The following TRIM28 variants were observed in gnomAD, a reference collection of about 807,000 sequenced individuals.
TRIM28 encodes the protein transcription intermediary factor 1-beta.
In TRIM28, 8 loss-of-function variants were observed where a neutral mutation model predicts 87.4. The ratio of observed to expected loss-of-function variants is 0.09; its 90% CI spans 0.05 to 0.17. The LOEUF (loss-of-function observed/expected upper bound fraction) is 0.17, where lower values mean the gene tolerates loss of function less well. Ranked by LOEUF, TRIM28 falls within the 10% of genes least tolerant of loss-of-function variation. The pLI, the probability that TRIM28 is intolerant of heterozygous loss-of-function variation, is 1.00. For synonymous variants in TRIM28, 601 were observed against 454.3 expected (o/e 1.32, Z -4.11); for missense variants, 968 against 1,131.8 (o/e 0.86, Z 2.08).
chr19:58,549,012 G>T lies in TRIM28; in HGVS notation c.1434G>T (p.Val478=). The T allele has an allele frequency of 6.2e-7, 1 of 1,614,098 alleles. No individual in the cohort carries two copies. The change falls in exon 12 of 17, where the codon GTG becomes GTT. Residue 478 remains valine (V), a synonymous_variant. Transcript: ENST00000253024. The surrounding 1 kb of genome is among the most constrained non-coding windows in gnomAD (Gnocchi z 4.4). ...VKRSRSGEGE[V]SGLMRKVPRV... ...GGTCCCGCTCAGGTGAGGGCGAGGT[G>T]AGCGGCCTTATGCGCAAGGTGCCAC...
Position 58,548,389 on chromosome 19 carries a change from C to G in TRIM28, c.1197C>G (p.Thr399=). Residue 399 remains threonine (T), a synonymous_variant, in exon 8 of 17, where the codon ACC becomes ACG. Transcript: ENST00000253024. ...MKFQWDLNAW[T]KSAEAFGKIV... ...TTCAGTGGGACCTCAATGCCTGGACCAAGAGTGCCGAGGCCTTTGGTGGGT... is the reference window on the plus strand; with the variant it reads ...TTCAGTGGGACCTCAATGCCTGGACGAAGAGTGCCGAGGCCTTTGGTGGGT... 1.2e-6 allele frequency: 2 copies of G among 1,614,144 alleles called. No individual in the cohort carries two copies. Among genetic ancestry groups the G allele is most frequent in the Non-Finnish European group, 1.7e-6 (2 of 1,180,020 alleles).
In TRIM28 at chr19:58,549,933, C is replaced by T. The variant is rs759386732; in HGVS notation, c.2107-16C>T. The T allele has an allele frequency of 1.9e-6, 3 of 1,614,066 alleles. No individual in the cohort carries two copies. Among genetic ancestry groups the T allele is most frequent in the Non-Finnish European group, 2.5e-6 (3 of 1,179,982 alleles). Reference sequence around the variant, plus strand: ...GGTGCTGCCCAGAGCTGTGACATCCCTTACAATGTTTGTAGAAATGTGAGC... The same window carrying T: ...GGTGCTGCCCAGAGCTGTGACATCCTTTACAATGTTTGTAGAAATGTGAGC... On this transcript the variant is annotated splice_polypyrimidine_tract_variant and intron_variant, in intron 14 of 16. Transcript: ENST00000253024. The surrounding 1 kb of genome is among the most constrained non-coding windows in gnomAD (Gnocchi z 4.4).
At chr19:58,546,727 G>A (rs1315701020) in intron 3 of TRIM28, among the ~76,000 whole-genome samples, 1 of 151,650 alleles carries the variant, frequency 6.6e-6, no homozygotes, top group African/African-American at 2.4e-5. Flanking sequence ...GGACCAGTGT[G>A]TTTGATCAGT....
chr19:58,548,714 G>C, intron 9 of TRIM28, 26 bp from the exon 10 acceptor site: 6 of 1,613,006 alleles, frequency 3.7e-6, no homozygotes, highest in Non-Finnish European at 5.1e-6. Context: ...GTCCCACTGA[G>C]GCAGAGGGTT....
At chr19:58,548,265 A>T (rs763052356) in intron 7 of TRIM28, 29 bp from the exon 8 acceptor site, 3 of 1,613,912 alleles carry the variant, frequency 1.9e-6, no homozygotes, top group Non-Finnish European at 1.7e-6. Context: ...TGGTGTGCTC[A>T]TTCTTTCCTC....
chr19:58,545,679 T>G, intron 2 of TRIM28, 85 bp from the exon 3 acceptor site: 1 of 1,562,840 alleles, frequency 6.4e-7, no homozygotes, highest in Non-Finnish European at 8.7e-7. Flanking sequence ...GGGACCAATC[T>G]TAAATCTCCG....
In TRIM28 at chr19:58,549,821, CACT is replaced by C. The variant is rs2053798363; in HGVS notation, c.2068_2070del (p.Thr690del). On this transcript the variant is annotated inframe_deletion, in exon 14 of 17. Transcript: ENST00000253024. This position sits in a 1 kb window ranked among gnomAD's most constrained non-coding sequence, Gnocchi z 4.4. ...GCCTCAGCCTGGATGGTGCAGACAG[CACT>C]GGCGTGGTGGCCAAGCTCTCACCAG... is the stretch of plus-strand genomic sequence containing the variant. 6.2e-7 allele frequency: 1 copy of C among 1,612,878 alleles called. No individual in the cohort carries two copies. Among genetic ancestry groups the C allele is most frequent in the African/African-American group, 1.3e-5 (1 of 75,008 alleles).
intron 7 of TRIM28, 54 bp from the exon 8 acceptor site, chr19:58,548,240 A>T: frequency 6.2e-7 from 1 of 1,613,518 alleles, no homozygotes; most frequent in East Asian, 2.2e-5. Flanking sequence ...AATACCTCAA[A>T]TCCCTATTTG....
rs755921225 is a variant in TRIM28, at chr19:58,549,758, C to A, written c.2004C>A (p.Leu668=). 3 of 1,610,518 alleles carry A rather than the reference C, an allele frequency of 1.9e-6. No individual in the cohort carries two copies. The Admixed American group carries it at 5.0e-5, about 27-fold the overall frequency. ...CTAGGGAGGAGTGGAGCTGCTCACT[C>A]TGCCATGTGCTCCCTGACCTGAAGG... ...DVPGEEWSCS[L]CHVLPDLKEE... The change falls in exon 14 of 17, where the codon CTC becomes CTA. Residue 668 remains leucine (L), a synonymous_variant. Transcript: ENST00000253024. The surrounding 1 kb of genome is among the most constrained non-coding windows in gnomAD (Gnocchi z 4.4).
In TRIM28 at chr19:58,549,688, G is replaced by C. The variant is rs750191462; in HGVS notation, c.1982+38G>C. 1 of 1,601,734 alleles carries C rather than the reference G, an allele frequency of 6.2e-7. No individual in the cohort carries two copies. The highest frequency in any genetic ancestry group is 8.5e-7 in the Non-Finnish European group (1 of 1,171,302). ...CTGGTGGGGGTCAAGTCTGGGTGTT[G>C]GGCTGTCTGGACAGGATCATGTGCA... On this transcript the variant is annotated intron_variant, in intron 13 of 16. Coordinates refer to ENST00000253024, the MANE Select transcript of TRIM28 (RefSeq NM_005762.3). The surrounding 1 kb of genome is among the most constrained non-coding windows in gnomAD (Gnocchi z 4.4).
intron 3 of TRIM28, among the ~76,000 whole-genome samples, chr19:58,546,806 C>T (rs60691190): frequency 0.083 from 12,691 of 152,106 alleles, 1,721 homozygotes; most frequent in African/African-American, 0.28. Context: ...ATGCTGAGCA[C>T]CAAGATTCTG....
At chr19:58,548,810 C>G (rs1441973563) in intron 10 of TRIM28, 34 bp downstream of exon 10, 2 of 1,613,992 alleles carry the variant, frequency 1.2e-6, no homozygotes, top group African/African-American at 2.7e-5. Context: ...GGGGAAGGGC[C>G]CCAGTGCTGT....
rs778494900 is a variant in TRIM28 at position 58,549,717 on chromosome 19, C to T, written c.1983-20C>T. ...TGTCTGGACAGGATCATGTGCAGAC[C>T]CTTATTTTCTTCACCCTAGGGAGGA... On this transcript the variant is annotated intron_variant, in intron 13 of 16. Coordinates refer to ENST00000253024, the MANE Select transcript of TRIM28 (RefSeq NM_005762.3). The surrounding 1 kb of genome is among the most constrained non-coding windows in gnomAD (Gnocchi z 4.4). 1.9e-5 allele frequency: 30 copies of T among 1,599,006 alleles called. No homozygotes were observed. Among genetic ancestry groups the T allele is most frequent in the Non-Finnish European group, 2.2e-5 (26 of 1,169,876 alleles).
rs1232851846 is a variant in TRIM28 at position 58,544,725 on chromosome 19, C to T, written c.-33C>T. 1.6e-5 allele frequency: 16 copies of T among 1,004,460 alleles called. No individual in the cohort carries two copies. The highest frequency in any genetic ancestry group is 1.9e-5 in the Non-Finnish European group (16 of 835,698). 62.2% of individuals were successfully genotyped at this position (1,004,460 alleles called of 1,614,324 possible). The stretch of plus-strand genomic sequence containing the variant: ...CCTGCGCGGCGGGCCCCGCGCCCCT[C>T]CTCCCCCCCTGGGCGCCCCCGGCGG... On this transcript the variant is annotated 5_prime_UTR_variant, in exon 1 of 17. Coordinates refer to ENST00000253024, the MANE Select transcript of TRIM28 (RefSeq NM_005762.3).
chr19:58,547,377 G>A lies in TRIM28; in HGVS notation c.588G>A (p.Gly196=). 6.2e-7 allele frequency: 1 copy of A among 1,613,500 alleles called. No individual in the cohort carries two copies. Among genetic ancestry groups the A allele is most frequent in the Non-Finnish European group, 8.5e-7 (1 of 1,179,598 alleles). ...AGCCTTATGATTCCCACTCCCCAGG[G>A]CCAGCCAAGTCTCGGGATGGTGAAC... ...YTKDHTVRST[G]PAKSRDGERT... The change falls in exon 4 of 17, where the codon GGG becomes GGA. Residue 196 remains glycine (G), a splice_region_variant and synonymous_variant. Transcript: ENST00000253024.
chr19:58,549,711 GC>G lies in TRIM28; in HGVS notation c.1983-25del. On this transcript the variant is annotated intron_variant, in intron 13 of 16. Transcript: ENST00000253024. The surrounding 1 kb of genome is among the most constrained non-coding windows in gnomAD (Gnocchi z 4.4). ...TTGGGCTGTCTGGACAGGATCATGT[GC>G]AGACCCTTATTTTCTTCACCCTAGG... 6.3e-7 allele frequency: 1 copy of G among 1,599,490 alleles called. No homozygotes were observed. The highest frequency in any genetic ancestry group is 8.5e-7 in the Non-Finnish European group (1 of 1,169,954).
In TRIM28 at chr19:58,545,407, C is replaced by T. The variant is rs929470382; in HGVS notation, c.341-18C>T. On this transcript the variant is annotated intron_variant, in intron 1 of 16. Transcript: ENST00000253024. Reference sequence around the variant, plus strand: ...GGTGGGAACTTGTAACAGTCTCCCACATCCCTGCTTCTCGAAGTGGTGGAC... The same window carrying T: ...GGTGGGAACTTGTAACAGTCTCCCATATCCCTGCTTCTCGAAGTGGTGGAC... The T allele has an allele frequency of 1.3e-6, 2 of 1,591,978 alleles. No individual in the cohort carries two copies. Among genetic ancestry groups the T allele is most frequent in the Non-Finnish European group, 8.6e-7 (1 of 1,162,334 alleles).
Position 58,550,176 on chromosome 19 carries a change from C to T in TRIM28, c.2223C>T (p.Thr741=), listed in dbSNP as rs200074114. The T allele has an allele frequency of 1.2e-6, 2 of 1,613,974 alleles. No homozygotes were observed. Among genetic ancestry groups the T allele is most frequent in the Non-Finnish European group, 1.7e-6 (2 of 1,179,978 alleles). ...LDQPGGTLDL[T]LIRARLQEKL... is the part of the protein sequence containing the mutation. ...AGCCCGGTGGCACCCTGGATCTGAC[C>T]CTGATCCGTGCCCGCCTCCAGGAGA... Residue 741 remains threonine, a synonymous_variant, in exon 16 of 17, where the codon ACC becomes ACT. Transcript: ENST00000253024.
Position 58,549,077 on chromosome 19 carries a change from A to C in TRIM28, c.1499A>C (p.Asp500Ala). 1 of 1,614,086 alleles carries C rather than the reference A, an allele frequency of 6.2e-7. No individual in the cohort carries two copies. The highest frequency in any genetic ancestry group is 8.5e-7 in the Non-Finnish European group (1 of 1,179,996). ...LERLDLDLTA[D>A]SQPPVFKVFP... ...CGCCTGGACCTGGACCTCACAGCTG[A>C]CAGCCAGCCACCCGTCTTCAAGGTC... is the stretch of plus-strand genomic sequence containing the variant. Residue 500 changes from aspartate to alanine, a missense_variant, in exon 12 of 17, where the codon GAC becomes GCC. By Grantham distance (126) the Asp-to-Ala change is moderately radical (BLOSUM62 -2). Transcript: ENST00000253024. The surrounding 1 kb of genome is among the most constrained non-coding windows in gnomAD (Gnocchi z 4.4).
Sources: allele counts gnomAD v4.1 joint callset (sites outside exome capture counted in the v4.1 genomes callset), GRCh38; gene constraint gnomAD v4.1.1; non-coding constraint Gnocchi (gnomAD v3.1); transcripts MANE v1.5; gene names NCBI Gene and HGNC (gene_info 2026-07-23, HGNC 2026-07-21).